Variants in DIP2C observed in about 807,000 individuals in gnomAD.
DIP2C encodes disco-interacting protein 2 homolog C.
Under a neutral mutation model 192.4 loss-of-function variants are expected in DIP2C, and 33 were observed. That is an observed-to-expected ratio of 0.17 (90% CI 0.13 to 0.23). The LOEUF is 0.23. Among genes scored for constraint, DIP2C ranks in the 10% least tolerant of loss-of-function variants. The pLI, the probability that DIP2C is intolerant of heterozygous loss-of-function variation, is 1.00. For synonymous variants in DIP2C, 979 were observed against 864.1 expected, an observed-to-expected ratio of 1.13 and a Z score of -2.33; for missense variants, 1,537 against 2,110.1, an observed-to-expected ratio of 0.73 and a Z score of 5.32.
intron 1 of DIP2C, among the ~76,000 whole-genome samples, chr10:502,045 C>G (rs183330078): frequency 9.2e-5 from 14 of 152,302 alleles, no homozygotes; most frequent in African/African-American, 3.4e-4. Flanking sequence ...ACTCAGTAGG[C>G]TGAGGTGGGA....
chr10:685,784 A>T (rs920683493), intron 1 of DIP2C, among the ~76,000 whole-genome samples: 2 of 152,130 alleles, frequency 1.3e-5, no homozygotes, highest in African/African-American at 4.8e-5. Context: ...CAACATGATG[A>T]AACCCCATCT....
chr10:567,041 C>T (rs907247093), intron 1 of DIP2C, among the ~76,000 whole-genome samples: 1 of 152,156 alleles, frequency 6.6e-6, no homozygotes, highest in Non-Finnish European at 1.5e-5. Context: ...AGAAGCTAAA[C>T]GTTAAGACTC....
chr10:369,990 C>T, intron 17 of DIP2C: 1 of 985,424 alleles, frequency 1.0e-6, no homozygotes. Context: ...GGCTCCTGCT[C>T]ACTCCACGGT....
intron 1 of DIP2C, among the ~76,000 whole-genome samples, chr10:503,509 G>T (rs931536263): frequency 6.6e-6 from 1 of 152,194 alleles, no homozygotes; most frequent in Non-Finnish European, 1.5e-5. Flanking sequence ...CTACAAAGAT[G>T]TATCTTAAAG....
At chr10:543,065 T>C (rs147075069) in intron 1 of DIP2C, among the ~76,000 whole-genome samples, 7 of 152,316 alleles carry the variant, frequency 4.6e-5, no homozygotes, top group Non-Finnish European at 7.4e-5. Context: ...GTGATGATGA[T>C]GACACCGATA....
intron 32 of DIP2C, among the ~76,000 whole-genome samples, chr10:306,465 C>A (rs1956326405): frequency 6.6e-6 from 1 of 152,202 alleles, no homozygotes; most frequent in South Asian, 2.1e-4. Context: ...AATAAGCTAA[C>A]CTTCTCCAGA....
intron 1 of DIP2C, among the ~76,000 whole-genome samples, chr10:523,170 G>A (rs1846819362): frequency 6.8e-6 from 1 of 147,948 alleles, no homozygotes; most frequent in Non-Finnish European, 1.5e-5. Flanking sequence ...CTGGAGTGAA[G>A]ATGCAGGGAC....
rs529973298 is a variant in DIP2C, at chr10:656,521, G to A, written c.85+32973C>T. Among the ~76,000 whole-genome samples, 12 of 152,322 alleles carry A rather than the reference G, an allele frequency of 7.9e-5. No homozygotes were observed. The South Asian group carries it at 8.3e-4, about 11-fold the overall frequency. On this transcript the variant is annotated intron_variant, in intron 1 of 36. Transcript: ENST00000280886. ...AATGTGATGTTTTACTATGCCACACGTAAGTGCACATTTCATGATAATCAA... is the reference window on the plus strand; with the variant it reads ...AATGTGATGTTTTACTATGCCACACATAAGTGCACATTTCATGATAATCAA...
rs769779083 is a variant in DIP2C at position 288,399 on chromosome 10, A to T, written c.4009T>A (p.Ser1337Thr). The T allele has an allele frequency of 6.2e-7, 1 of 1,614,026 alleles. No homozygotes were observed. Among genetic ancestry groups the T allele is most frequent in the South Asian group, 1.1e-5 (1 of 91,030 alleles). ...TCCATCAGGGGCAGACTATGAGGGG[A>T]TCCTCTTTCCACTAAGCGGACTCTG... ...HDRVRLVERG[S>T]PHSLPLMESG... Residue 1337 changes from serine to threonine, a missense_variant, in exon 33 of 37, where the codon TCC becomes ACC. Physicochemically the swap from Ser to Thr is moderately conservative, Grantham distance 58 (BLOSUM62 1). This residue lies in a region of DIP2C where 341 missense variants were observed against 551.7 expected (regional missense o/e 0.62). Coordinates refer to ENST00000280886, the MANE Select transcript of DIP2C (RefSeq NM_014974.3).
intron 2 of DIP2C, among the ~76,000 whole-genome samples, chr10:473,522 C>T (rs945332421): frequency 4.0e-5 from 6 of 149,780 alleles, no homozygotes; most frequent in Admixed American, 2.0e-4. Flanking sequence ...GCTCCGTGAA[C>T]GGCTCTGATA....
At chr10:563,108 G>C (rs1260184166) in intron 1 of DIP2C, among the ~76,000 whole-genome samples, 1 of 152,204 alleles carries the variant, frequency 6.6e-6, no homozygotes, top group African/African-American at 2.4e-5. Flanking sequence ...CTGGAGGCCT[G>C]TAATCTGAAG....
intron 1 of DIP2C, among the ~76,000 whole-genome samples, chr10:596,178 AC>A (rs1433305215): frequency 6.6e-6 from 1 of 152,184 alleles, no homozygotes; most frequent in African/African-American, 2.4e-5. Flanking sequence ...AATAAAAGTA[AC>A]CTAAGTATTG....
Position 363,237 on chromosome 10 carries a change from G to A in DIP2C, c.2552C>T (p.Thr851Met), listed in dbSNP as rs767984676. ...VIVAEQRPDS[T>M]EEDSFQWMSR... is the part of the protein sequence containing the mutation. ...CATCCACTGGAAACTGTCCTCTTCC[G>A]TGGAGTCAGGCCTCTGCTCAGCCAC... Residue 851 changes from threonine (T) to methionine (M), a missense_variant, in exon 21 of 37, where the codon ACG becomes ATG. Coordinates refer to ENST00000280886, the MANE Select transcript of DIP2C (RefSeq NM_014974.3). This position sits in a 1 kb window ranked among gnomAD's most constrained non-coding sequence, Gnocchi z 5.4. The A allele has an allele frequency of 3.1e-6, 5 of 1,613,480 alleles. No individual in the cohort carries two copies. The highest frequency in any genetic ancestry group is 1.1e-5 in the South Asian group (1 of 91,036).
At chr10:687,731 C>A (rs1017621539) in intron 1 of DIP2C, among the ~76,000 whole-genome samples, 1 of 152,202 alleles carries the variant, frequency 6.6e-6, no homozygotes, top group Non-Finnish European at 1.5e-5. Context: ...GAGCAACTGA[C>A]AGGCAAGTGT....
rs958826155 is a variant in DIP2C at position 606,828 on chromosome 10, CATCTGGT to C, written c.85+82659_85+82665del. On this transcript the variant is annotated intron_variant, in intron 1 of 36. Transcript: ENST00000280886. ...CTACACACGCACATCTGACATCTGACATCTGGTGGGCGTCAGTGACGGACGCCACAGC... is the reference window on the plus strand; with the variant it reads ...CTACACACGCACATCTGACATCTGACGGGCGTCAGTGACGGACGCCACAGC... 3.3e-5 allele frequency among the ~76,000 whole-genome samples: 5 copies of C among 152,020 alleles called. No homozygotes were observed. The East Asian group carries it at 7.7e-4, about 24-fold the overall frequency.
chr10:624,736 G>C (rs1245169116), intron 1 of DIP2C, among the ~76,000 whole-genome samples: 3 of 152,212 alleles, frequency 2.0e-5, no homozygotes, highest in African/African-American at 7.2e-5. Context: ...ATCTGAAAGG[G>C]ACCTGCTGAG....
In DIP2C at chr10:343,542, C is replaced by A. The variant is rs374553284; in HGVS notation, c.3453+1267G>T. On this transcript the variant is annotated intron_variant, in intron 28 of 36. Coordinates refer to ENST00000280886, the MANE Select transcript of DIP2C (RefSeq NM_014974.3). ...GTTTTACTATATTCATACAGGGGAA[C>A]GTAGAATTATTATAAAATGTAAAAT... 2.6e-5 allele frequency among the ~76,000 whole-genome samples: 4 copies of A among 152,090 alleles called. No homozygotes were observed. The South Asian group carries it at 8.3e-4, about 32-fold the overall frequency.
chr10:549,310 A>G (rs924307107), intron 1 of DIP2C, among the ~76,000 whole-genome samples: 3 of 152,130 alleles, frequency 2.0e-5, no homozygotes, highest in Admixed American at 6.5e-5. Flanking sequence ...CTATGTCTCA[A>G]TTAACACACA....
chr10:602,330 G>C (rs560961042), intron 1 of DIP2C, among the ~76,000 whole-genome samples: 1 of 152,208 alleles, frequency 6.6e-6, no homozygotes, highest in Non-Finnish European at 1.5e-5. Flanking sequence ...AGCTGAGAAG[G>C]CTGTGGCTCT....
Sources: allele counts gnomAD v4.1 joint callset (sites outside exome capture counted in the v4.1 genomes callset), GRCh38; gene constraint gnomAD v4.1.1; regional missense constraint gnomAD v4.1.1; non-coding constraint Gnocchi (gnomAD v3.1); transcripts MANE v1.5; gene names NCBI Gene and HGNC (gene_info 2026-07-23, HGNC 2026-07-21).